The following MICAL2 variants were observed in gnomAD, a reference collection of about 807,000 sequenced individuals.
The protein encoded by MICAL2 is [F-actin]-monooxygenase MICAL2.
Under a neutral mutation model 127.3 loss-of-function variants are expected in MICAL2, and 77 were observed. That is an observed-to-expected ratio of 0.60 (90% CI 0.50 to 0.73). The LOEUF is 0.73. Among genes scored for constraint, MICAL2 ranks in the 30% least tolerant of loss-of-function variants. The probability of loss-of-function intolerance (pLI) is 0.00; values close to 1 mark genes in which losing one functional copy is unlikely to be tolerated. For missense variants in MICAL2, 1,351 were observed against 1,434.4 expected, an observed-to-expected ratio of 0.94 and a Z score of 0.94; for synonymous variants, 570 against 551.1, an observed-to-expected ratio of 1.03 and a Z score of -0.48.
intron 3 of MICAL2, among the ~76,000 whole-genome samples, chr11:12,168,484 A>G (rs959466617): frequency 1.3e-5 from 2 of 151,482 alleles, no homozygotes; most frequent in Non-Finnish European, 2.9e-5. Flanking sequence ...TTATACACAC[A>G]TATACATGCA....
chr11:12,158,579 C>T (rs1854443674), intron 2 of MICAL2, among the ~76,000 whole-genome samples: 1 of 151,972 alleles, frequency 6.6e-6, no homozygotes. Flanking sequence ...CTAAACAATG[C>T]AATGTAAGTA....
chr11:12,205,074 A>C (rs1261132158), intron 4 of MICAL2, among the ~76,000 whole-genome samples: 1 of 152,212 alleles, frequency 6.6e-6, no homozygotes, highest in Non-Finnish European at 1.5e-5. Context: ...TATGAGCTTT[A>C]AAAAGAGAGA....
chr11:12,193,177 A>G (rs149220825), intron 3 of MICAL2, among the ~76,000 whole-genome samples: 19 of 152,286 alleles, frequency 1.2e-4, no homozygotes, highest in African/African-American at 4.6e-4. Context: ...GCACCTGTCT[A>G]TAGGGCGAGA....
intron 5 of MICAL2, among the ~76,000 whole-genome samples, chr11:12,209,126 G>T (rs962989955): frequency 6.6e-6 from 1 of 152,180 alleles, no homozygotes; most frequent in African/African-American, 2.4e-5. Context: ...TTTTGGGTCT[G>T]TTTAGCAATG....
At position 12,334,825 on chromosome 11, in the gene MICAL2, T is replaced by A. The variant is rs565923545; in HGVS notation, c.5515+7559T>A. ...GCTGCATAGTATTCCATGGTGTATA[T>A]GTACATTTTCTTAATCCAGTCTATC... On this transcript the variant is annotated intron_variant, in intron 32 of 34. Transcript: ENST00000646065. Among the ~76,000 whole-genome samples the A allele has an allele frequency of 7.9e-5, 12 of 151,874 alleles. No individual in the cohort carries two copies. The South Asian group carries it at 1.7e-3, about 21-fold the overall frequency.
chr11:12,175,582 A>ATTCTGTGT (rs1157224735), intron 3 of MICAL2, among the ~76,000 whole-genome samples: 1 of 128,238 alleles, frequency 7.8e-6, no homozygotes, highest in Non-Finnish European at 1.8e-5. Flanking sequence ...ATGTGTGGGG[A>ATTCTGTGT]GTCTGTGTGT....
intron 1 of MICAL2, among the ~76,000 whole-genome samples, chr11:12,126,084 T>G (rs912956641): frequency 6.6e-6 from 1 of 152,240 alleles, no homozygotes; most frequent in Middle Eastern, 3.2e-3. Context: ...GAGCCTGGCA[T>G]AGGCCAGCAC....
intron 12 of MICAL2, chr11:12,224,448 C>G (rs1857170267): frequency 1.8e-6 from 1 of 556,716 alleles, no homozygotes; most frequent in Non-Finnish European, 3.2e-6. Context: ...AGGAACTCTG[C>G]TGGAAGAGAA....
In MICAL2 at chr11:12,279,390, C is replaced by T. The variant is rs183772554; in HGVS notation, c.88-1543C>T. 5.8e-4 allele frequency among the ~76,000 whole-genome samples: 88 copies of T among 152,248 alleles called. 1 individual carries two copies. Among genetic ancestry groups the T allele is most frequent in the African/African-American group, 2.0e-3 (84 of 41,540 alleles). On this transcript the variant is annotated intron_variant, in intron 1 of 2. Transcript: ENST00000529028. ...GACAACTGGCTCGTCAAGTCTTGGT[C>T]ATGCAGACTCTGGAATGGGGCTTGG...
chr11:12,208,903 T>A (rs1294348026), intron 5 of MICAL2, among the ~76,000 whole-genome samples: 1 of 152,214 alleles, frequency 6.6e-6, no homozygotes, highest in African/African-American at 2.4e-5. Flanking sequence ...TAGGGGAGGC[T>A]TTAGTTAGCT....
chr11:12,249,652 G>A (rs934689853), intron 22 of MICAL2, among the ~76,000 whole-genome samples: 51 of 152,346 alleles, frequency 3.3e-4, no homozygotes, highest in African/African-American at 1.2e-3. Context: ...TCCCCTTCCT[G>A]TGAGCCCTCT....
chr11:12,226,932 C>T (rs1024718229), intron 14 of MICAL2, 93 bp from the exon 15 acceptor site: 7 of 947,176 alleles, frequency 7.4e-6, no homozygotes, highest in Admixed American at 1.8e-5. Flanking sequence ...GGATTACAGG[C>T]GTGAGCCACC....
rs533925665 is a variant in MICAL2, at chr11:12,218,477, C to T, written c.949-1724C>T. On this transcript the variant is annotated intron_variant, in intron 8 of 27. Transcript: ENST00000683283. ...CCCACTCTCCTGCATGAGGCGTCCACGCCAGGCACTGTCTTCACTGTGTAA... is the reference window on the plus strand; with the variant it reads ...CCCACTCTCCTGCATGAGGCGTCCATGCCAGGCACTGTCTTCACTGTGTAA... Among the ~76,000 whole-genome samples the T allele has an allele frequency of 1.4e-4, 22 of 152,354 alleles. No individual in the cohort carries two copies. In the South Asian group the frequency reaches 3.9e-3, roughly 27 times the overall value.
At chr11:12,164,539 G>A (rs2016371) in intron 3 of MICAL2, among the ~76,000 whole-genome samples, 132,065 of 152,172 alleles carry the variant, frequency 0.87, 57,921 homozygotes, top group Middle Eastern at 0.97. Flanking sequence ...CTTAACTTGG[G>A]TGCTTTGATG....
chr11:12,303,607 G>A (rs957559557), intron 29 of MICAL2: 2 of 152,152 alleles, frequency 1.3e-5, no homozygotes, highest in Non-Finnish European at 2.9e-5. Context: ...AATAATTCTT[G>A]GCTCAGTGCA....
chr11:12,295,060 C>T (rs533200157), downstream of MICAL2, among the ~76,000 whole-genome samples: 1 of 152,194 alleles, frequency 6.6e-6, no homozygotes, highest in South Asian at 2.1e-4. Flanking sequence ...GACCAATCAA[C>T]CATAACCCTA....
chr11:12,264,552 G>A (rs533226708), downstream of MICAL2, among the ~76,000 whole-genome samples: 109 of 144,602 alleles, frequency 7.5e-4, no homozygotes, highest in African/African-American at 3.0e-3. Context: ...TCCTGGCTGG[G>A]CGTAGCTGGG....
intron 32 of MICAL2, among the ~76,000 whole-genome samples, chr11:12,336,914 C>G (rs933304056): frequency 2.0e-5 from 3 of 152,014 alleles, no homozygotes; most frequent in Admixed American, 2.0e-4. Context: ...CTAAAATTCT[C>G]TTTTTTTGTT....
chr11:12,342,793 CAT>C (rs1297784942), intron 32 of MICAL2, among the ~76,000 whole-genome samples: 1 of 152,220 alleles, frequency 6.6e-6, no homozygotes, highest in African/African-American at 2.4e-5. Flanking sequence ...CCCAAAGTCA[CAT>C]GTTTGTAAGT....
Sources: allele counts gnomAD v4.1 joint callset (sites outside exome capture counted in the v4.1 genomes callset), GRCh38; gene constraint gnomAD v4.1.1; transcripts MANE v1.5; gene names NCBI Gene and HGNC (gene_info 2026-07-23, HGNC 2026-07-21).